GABBR2: variants seen among roughly 807,000 people sequenced by gnomAD.
GABBR2 encodes G-protein coupled receptor 51.
A neutral mutation model predicts 105.6 loss-of-function variants in GABBR2; 23 were observed. That is an observed-to-expected ratio of 0.22 (90% CI 0.16 to 0.31). The LOEUF is 0.31. GABBR2 is among the 10% of genes least tolerant of loss of function. GABBR2 has a pLI of 1.00. For missense variants in GABBR2, 734 were observed against 1,245.5 expected, an observed-to-expected ratio of 0.59 and a Z score of 6.18; for synonymous variants, 478 against 499.7, an observed-to-expected ratio of 0.96 and a Z score of 0.58.
At chr9:98,348,528 T>C in intron 13 of GABBR2, among the ~76,000 whole-genome samples, 1 of 152,226 alleles carries the variant, frequency 6.6e-6, no homozygotes, top group East Asian at 1.9e-4. Context: ...TGGGGCAGTA[T>C]GGTCATTTTA....
chr9:98,404,685 G>T (rs1832458530), intron 8 of GABBR2, among the ~76,000 whole-genome samples: 1 of 152,100 alleles, frequency 6.6e-6, no homozygotes, highest in Non-Finnish European at 1.5e-5. Flanking sequence ...CCTCAAGGAT[G>T]CTCCTCACAT....
In GABBR2 at chr9:98,546,680, C is replaced by T. The variant is rs536314778; in HGVS notation, c.460-4637G>A. 7.2e-5 allele frequency among the ~76,000 whole-genome samples: 11 copies of T among 152,220 alleles called. No homozygotes were observed. The East Asian group carries it at 1.9e-3, about 27-fold the overall frequency. On this transcript the variant is annotated intron_variant, in intron 2 of 18. Coordinates refer to ENST00000259455, the MANE Select transcript of GABBR2 (RefSeq NM_005458.8). ...ATTCTATTAAGATTGTTTTTAAATA[C>T]ACATCTTGAAAAGAGCATATGGACA... is the stretch of plus-strand genomic sequence containing the variant.
Position 98,577,665 on chromosome 9 carries a change from G to A in GABBR2, c.459+270C>T, listed in dbSNP as rs2808534. Among the ~76,000 whole-genome samples the A allele has an allele frequency of 0.61, 93,237 of 152,032 alleles. 29,499 individuals are homozygous for A. The highest frequency in any genetic ancestry group is 0.76 in the African/African-American group (31,448 of 41,478). On this transcript the variant is annotated intron_variant, in intron 2 of 18. Coordinates refer to ENST00000259455, the MANE Select transcript of GABBR2 (RefSeq NM_005458.8). Reference sequence around the variant, plus strand: ...GGGCAGGCAGGTTGGACTGGCATCAGTGGCTCTGAAAGCTGGGCTAGGGAG... The same window carrying A: ...GGGCAGGCAGGTTGGACTGGCATCAATGGCTCTGAAAGCTGGGCTAGGGAG...
chr9:98,668,880 ATT>A (rs1830371627), intron 1 of GABBR2, among the ~76,000 whole-genome samples: 2 of 138,882 alleles, frequency 1.4e-5, no homozygotes, highest in African/African-American at 5.5e-5. Context: ...ATTATATTCC[ATT>A]TTGTGTGTGT....
intron 5 of GABBR2, among the ~76,000 whole-genome samples, chr9:98,475,475 C>G (rs2131634295): frequency 6.6e-6 from 1 of 152,296 alleles, no homozygotes. Context: ...TGTAAGACTT[C>G]ACAACTCTCA....
intron 1 of GABBR2, among the ~76,000 whole-genome samples, chr9:98,640,986 C>A (rs765666880): frequency 1.9e-4 from 29 of 152,152 alleles, no homozygotes; most frequent in Non-Finnish European, 3.4e-4. Flanking sequence ...CAGTGATTCT[C>A]AACCCTTAGC....
At chr9:98,697,258 G>A (rs577888787) in intron 1 of GABBR2, among the ~76,000 whole-genome samples, 4 of 152,294 alleles carry the variant, frequency 2.6e-5, no homozygotes, top group Non-Finnish European at 5.9e-5. Context: ...TTGGGAGGCC[G>A]AGGCAAGCAG....
At chr9:98,477,278 C>T (rs2131637325) in intron 5 of GABBR2, among the ~76,000 whole-genome samples, 1 of 152,326 alleles carries the variant, frequency 6.6e-6, no homozygotes, top group East Asian at 1.9e-4. Flanking sequence ...CTGTCTCTGT[C>T]ACTCAGGCTG....
At chr9:98,665,098 T>G (rs541150214) in intron 1 of GABBR2, among the ~76,000 whole-genome samples, 6 of 152,124 alleles carry the variant, frequency 3.9e-5, no homozygotes, top group African/African-American at 1.2e-4. Context: ...GAGACTCTGT[T>G]TCTACATAAA....
intron 1 of GABBR2, among the ~76,000 whole-genome samples, chr9:98,606,472 C>CTTTTTTTCTTCTT (rs1564128956): frequency 7.8e-6 from 1 of 128,568 alleles, no homozygotes. Context: ...TGTCTATTAT[C>CTTTTTTTCTTCTT]TTTTTTTTTT....
chr9:98,476,657 G>A (rs1305082078), intron 5 of GABBR2, among the ~76,000 whole-genome samples: 1 of 152,200 alleles, frequency 6.6e-6, no homozygotes, highest in Non-Finnish European at 1.5e-5. Flanking sequence ...ATAAGTCACT[G>A]TTCTGGGCTA....
intron 1 of GABBR2, 142 bp downstream of exon 1, chr9:98,708,275 A>AAGCCCAGCAGAGAGG (rs1217815362): frequency 2.5e-5 from 21 of 829,104 alleles, no homozygotes; most frequent in Middle Eastern, 4.0e-4. Context: ...GGGGGTGAAC[A>AAGCCCAGCAGAGAGG]CTGGGCACCA....
chr9:98,318,258 G>A (rs1222194188), intron 13 of GABBR2, among the ~76,000 whole-genome samples: 2 of 152,236 alleles, frequency 1.3e-5, no homozygotes, highest in South Asian at 4.1e-4. Flanking sequence ...AGTTCCAGGG[G>A]AGGAGCTGAT....
chr9:98,535,243 G>A (rs1343437011), intron 3 of GABBR2, among the ~76,000 whole-genome samples: 6 of 152,008 alleles, frequency 3.9e-5, no homozygotes, highest in Admixed American at 6.5e-5. Flanking sequence ...AATTACAGGC[G>A]CCCGCTACCA....
At chr9:98,419,386 G>C (rs188246273) in intron 7 of GABBR2, among the ~76,000 whole-genome samples, 1 of 152,142 alleles carries the variant, frequency 6.6e-6, no homozygotes, top group Admixed American at 6.5e-5. Flanking sequence ...AAGAGCAGAC[G>C]ATCTTGGTGC....
intron 1 of GABBR2, among the ~76,000 whole-genome samples, chr9:98,587,909 A>G (rs1415923590): frequency 6.6e-6 from 1 of 152,208 alleles, no homozygotes; most frequent in African/African-American, 2.4e-5. Context: ...AACGATCTAA[A>G]GTAGGATGTA....
chr9:98,597,735 A>G (rs936089539), intron 1 of GABBR2, among the ~76,000 whole-genome samples: 2 of 152,166 alleles, frequency 1.3e-5, no homozygotes, highest in South Asian at 2.1e-4. Flanking sequence ...GAGCAATAAG[A>G]AAAAATGCTG....
At chr9:98,477,796 G>A (rs1438452732) in intron 5 of GABBR2, among the ~76,000 whole-genome samples, 1 of 152,198 alleles carries the variant, frequency 6.6e-6, no homozygotes, top group Non-Finnish European at 1.5e-5. Context: ...AACAATAATA[G>A]TAATAAACCC....
intron 13 of GABBR2, among the ~76,000 whole-genome samples, chr9:98,357,517 G>A (rs921893050): frequency 5.9e-5 from 9 of 151,912 alleles, no homozygotes; most frequent in Admixed American, 2.0e-4. Context: ...GTGTGGTGGC[G>A]CATGCCTGTA....
Sources: gnomAD v4.1 joint callset for allele counts (sites outside exome capture counted in the v4.1 genomes callset) on GRCh38, gnomAD v4.1.1 for gene constraint, MANE v1.5 for transcripts, NCBI Gene and HGNC (gene_info 2026-07-23, HGNC 2026-07-21) for gene names.